The following MIA2 variants were observed in gnomAD, a reference collection of about 807,000 sequenced individuals.
MIA2 encodes the protein melanoma inhibitory activity protein 2.
MIA2 carries 127 observed loss-of-function variants against 167.8 expected under a neutral mutation model. That is an observed-to-expected ratio of 0.76 (90% CI 0.66 to 0.88). MIA2 has a LOEUF of 0.88. Ranked by LOEUF, MIA2 falls within the 40% of genes least tolerant of loss-of-function variation. The pLI, the probability that MIA2 is intolerant of heterozygous loss-of-function variation, is 0.00. For missense variants in MIA2, 1,690 were observed against 1,624.7 expected (o/e 1.04, Z -0.69); for synonymous variants, 552 against 541.9 (o/e 1.02, Z -0.26).
intron 13 of MIA2, among the ~76,000 whole-genome samples, chr14:39,295,383 A>C (rs10133417): frequency 3.9e-5 from 6 of 152,030 alleles, no homozygotes; most frequent in Non-Finnish European, 8.8e-5. Flanking sequence ...GGCAGATCAC[A>C]TAAGGATGTG....
Position 39,237,119 on chromosome 14 carries a change from C to G in MIA2, c.249+64C>G. The G allele has an allele frequency of 1.9e-6, 3 of 1,557,998 alleles. No homozygotes were observed. In the Middle Eastern group the frequency reaches 5.1e-4, roughly 267 times the overall value. ...GACCAACTTGCACAAAGATTCCTTCCTTTTCTTTTCTTTTTTTTGGAAACA... is the reference window on the plus strand; with the variant it reads ...GACCAACTTGCACAAAGATTCCTTCGTTTTCTTTTCTTTTTTTTGGAAACA... On this transcript the variant is annotated intron_variant, in intron 2 of 28. Transcript: ENST00000640607.
chr14:39,313,383 A>G lies in MIA2; in HGVS notation c.3061A>G (p.Lys1021Glu). 6.2e-7 allele frequency: 1 copy of G among 1,603,544 alleles called. No individual in the cohort carries two copies. Among genetic ancestry groups the G allele is most frequent in the Middle Eastern group, 1.7e-4 (1 of 6,012 alleles). The change falls in exon 19 of 29, where the codon AAA (lysine) becomes GAA (glutamate). Residue 1021 changes from lysine (K) to glutamate (E), a missense_variant. Transcript: ENST00000640607. ...AAATTATCGGTTAGAGAAAGAAGAG[A>G]AACTTTCTAAAGTAGATGAAAAGAT... ...EENYRLEKEE[K>E]LSKVDEKISH...
chr14:39,378,670 T>C (rs552637087), intron 23 of MIA2, among the ~76,000 whole-genome samples: 2 of 152,346 alleles, frequency 1.3e-5, no homozygotes, highest in East Asian at 1.9e-4. Flanking sequence ...GAATCTCTTA[T>C]GATTTTGGCA....
chr14:39,294,535 A>C (rs1376403726), intron 12 of MIA2, among the ~76,000 whole-genome samples: 3 of 151,984 alleles, frequency 2.0e-5, no homozygotes, highest in African/African-American at 7.3e-5. Flanking sequence ...GCTTCAGAAA[A>C]GTTCATCTTT....
intron 6 of MIA2, among the ~76,000 whole-genome samples, chr14:39,268,454 C>CA (rs11412419): frequency 0.34 from 48,787 of 144,232 alleles, 8,373 homozygotes; most frequent in East Asian, 0.51. Flanking sequence ...AGAGAGAAGA[C>CA]AAAAAAAAAA....
At chr14:39,377,181 T>A (rs1439553425) in intron 23 of MIA2, among the ~76,000 whole-genome samples, 1 of 151,846 alleles carries the variant, frequency 6.6e-6, no homozygotes, top group East Asian at 1.9e-4. Context: ...AGGAAGCTAA[T>A]TTTTTGGCAG....
chr14:39,380,691 C>CAAAAAAAAAAAAAAA (rs145179098), intron 23 of MIA2, among the ~76,000 whole-genome samples: 1 of 85,050 alleles, frequency 1.2e-5, no homozygotes, highest in African/African-American at 4.9e-5. Context: ...GACTCAGACT[C>CAAAAAAAAAAAAAAA]AAAAAAAAAA....
At chr14:39,315,565 C>G (rs1212745605) in intron 20 of MIA2, 118 bp from the exon 21 acceptor site, 10 of 720,642 alleles carry the variant, frequency 1.4e-5, no homozygotes, top group Non-Finnish European at 2.1e-5. Flanking sequence ...ATGTTGCCTA[C>G]TCTTCAGAGA....
chr14:39,269,198 T>C (rs2056675205), intron 6 of MIA2: 7 of 417,814 alleles, frequency 1.7e-5, no homozygotes, highest in Non-Finnish European at 2.2e-5. Flanking sequence ...TATTGAGATA[T>C]ATTCACACAA....
In MIA2 at chr14:39,334,320, C is replaced by T. The variant is rs146555809; in HGVS notation, c.3655+7298C>T. Among the ~76,000 whole-genome samples, 1,082 of 151,932 alleles carry T rather than the reference C, an allele frequency of 7.1e-3. 5 individuals are homozygous for T. The highest frequency in any genetic ancestry group is 0.011 in the Non-Finnish European group (726 of 67,920). On this transcript the variant is annotated intron_variant, in intron 25 of 28. Coordinates refer to ENST00000640607, the MANE Select transcript of MIA2 (RefSeq NM_001329214.4). The stretch of plus-strand genomic sequence containing the variant: ...CAAAACCCTGTTCCTACAAAAAATA[C>T]AAAAATTAGCTGGGTGTGGTGGCAG...
intron 23 of MIA2, among the ~76,000 whole-genome samples, chr14:39,360,399 G>C (rs1344895536): frequency 6.6e-6 from 1 of 151,766 alleles, no homozygotes; most frequent in Non-Finnish European, 1.5e-5. Context: ...TATACCTGTT[G>C]GCCATTTGTA....
exon 24 of MIA2, chr14:39,387,804 A>T (rs2075291990): frequency 6.6e-6 from 1 of 152,222 alleles, no homozygotes; most frequent in African/African-American, 2.4e-5. Flanking sequence ...AGCCTTCATC[A>T]ACCACCACTG....
chr14:39,317,404 T>G (rs557651588), intron 21 of MIA2, among the ~76,000 whole-genome samples: 7 of 152,206 alleles, frequency 4.6e-5, no homozygotes, highest in African/African-American at 1.4e-4. Flanking sequence ...TTTAACTTGT[T>G]TTTTAGGGAA....
chr14:39,251,869 A>C (rs1161230623), intron 4 of MIA2, among the ~76,000 whole-genome samples: 1 of 152,194 alleles, frequency 6.6e-6, no homozygotes, highest in Non-Finnish European at 1.5e-5. Flanking sequence ...ATTGTTTTTC[A>C]GGACCACACT....
At chr14:39,305,763 C>G (rs1225446379) in intron 17 of MIA2, among the ~76,000 whole-genome samples, 2 of 152,068 alleles carry the variant, frequency 1.3e-5, no homozygotes, top group Non-Finnish European at 2.9e-5. Flanking sequence ...TGGTGAAACC[C>G]TGTCTCTACT....
intron 10 of MIA2, chr14:39,292,811 TATC>T (rs2060911123): frequency 1.2e-5 from 2 of 171,574 alleles, no homozygotes; most frequent in Admixed American, 6.4e-5. Flanking sequence ...TATGGAATAT[TATC>T]ATGAAGCAGC....
At chr14:39,370,586 C>G (rs1817620067) in intron 23 of MIA2, 1 of 362,884 alleles carries the variant, frequency 2.8e-6, no homozygotes, top group Non-Finnish European at 5.7e-6. Flanking sequence ...TGGGGCTGCT[C>G]CGGCATCCTC....
At chr14:39,267,662 C>A in intron 6 of MIA2, 1 of 1,011,568 alleles carries the variant, frequency 9.9e-7, no homozygotes, top group South Asian at 1.6e-5. Context: ...GCCCGGCTCC[C>A]GCCCGTGTTC....
chr14:39,371,671 C>T (rs114793825), intron 23 of MIA2, among the ~76,000 whole-genome samples: 3,140 of 152,282 alleles, frequency 0.021, 109 homozygotes, highest in African/African-American at 0.07. Flanking sequence ...GCATGTTATA[C>T]ATTGTGTTAG....
Sources: gnomAD v4.1 joint callset for allele counts (sites outside exome capture counted in the v4.1 genomes callset) on GRCh38, gnomAD v4.1.1 for gene constraint, MANE v1.5 for transcripts, NCBI Gene and HGNC (gene_info 2026-07-23, HGNC 2026-07-21) for gene names.